Variants in AGAP1 observed in about 807,000 individuals in gnomAD.
AGAP1 encodes the protein arf-GAP with GTPase, ANK repeat and PH domain-containing protein 1.
AGAP1 carries 29 observed loss-of-function variants against 105.3 expected under a neutral mutation model. That is an observed-to-expected ratio of 0.28 (90% CI 0.21 to 0.38). The LOEUF is 0.38. AGAP1 is among the 10% of genes least tolerant of loss of function. The probability of loss-of-function intolerance (pLI) is 1.00; values close to 1 mark genes in which losing one functional copy is unlikely to be tolerated. For missense variants in AGAP1, 998 were observed against 1,165.1 expected (o/e 0.86, Z 2.09); for synonymous variants, 509 against 485.9 (o/e 1.05, Z -0.63).
Position 235,728,326 on chromosome 2 carries a change from T to TGTGTGTGTGTGTGTGTGTGTGCGCGC in AGAP1, c.310+10683_310+10684insTGTGTGTGTGTGTGTGTGTGCGCGCG, listed in dbSNP as rs986896995. Among the ~76,000 whole-genome samples, 330 of 151,714 alleles carry TGTGTGTGTGTGTGTGTGTGTGCGCGC rather than the reference T, an allele frequency of 2.2e-3. 2 individuals are homozygous for TGTGTGTGTGTGTGTGTGTGTGCGCGC. Among genetic ancestry groups the TGTGTGTGTGTGTGTGTGTGTGCGCGC allele is most frequent in the African/African-American group, 7.3e-3 (299 of 41,180 alleles). On this transcript the variant is annotated intron_variant, in intron 3 of 17. Transcript: ENST00000304032. The surrounding 1 kb of genome is among the most constrained non-coding windows in gnomAD (Gnocchi z 4.3). The stretch of plus-strand genomic sequence containing the variant: ...CTGTGTGTGTGTGTGTGTGTGTGTG[T>TGTGTGTGTGTGTGTGTGTGTGCGCGC]GCGTGCTCTTAAATCAATGTAAATT...
intron 9 of AGAP1, among the ~76,000 whole-genome samples, chr2:235,809,121 C>T (rs900265178): frequency 6.6e-5 from 10 of 151,892 alleles, no homozygotes; most frequent in African/African-American, 1.9e-4. Flanking sequence ...TGGGTGGGAG[C>T]GCTCACCAGC....
rs1412091338 is a variant in AGAP1, at chr2:235,961,527, C to G, written c.1484-6935C>G. Among the ~76,000 whole-genome samples, 1 of 152,170 alleles carries G rather than the reference C, an allele frequency of 6.6e-6. No individual in the cohort carries two copies. The highest frequency in any genetic ancestry group is 6.5e-5 in the Admixed American group (1 of 15,286). ...AGCCGTGGACAGCAGTGCAGAGGGACAGGCCCTAGGGAGTTGTGCTTTAAA... is the reference window on the plus strand; with the variant it reads ...AGCCGTGGACAGCAGTGCAGAGGGAGAGGCCCTAGGGAGTTGTGCTTTAAA... On this transcript the variant is annotated intron_variant, in intron 12 of 17. Transcript: ENST00000304032. The surrounding 1 kb of genome is among the most constrained non-coding windows in gnomAD (Gnocchi z 5.9).
Position 235,691,493 on chromosome 2 carries a change from CG to C in AGAP1, c.164-17684del, listed in dbSNP as rs1324366548. Among the ~76,000 whole-genome samples, 6 of 152,242 alleles carry C rather than the reference CG, an allele frequency of 3.9e-5. No individual in the cohort carries two copies. Among genetic ancestry groups the C allele is most frequent in the Non-Finnish European group, 7.3e-5 (5 of 68,046 alleles). On this transcript the variant is annotated intron_variant, in intron 1 of 17. Coordinates refer to ENST00000304032, the MANE Select transcript of AGAP1 (RefSeq NM_001037131.3). The surrounding 1 kb of genome is among the most constrained non-coding windows in gnomAD (Gnocchi z 4.4). ...CATTTGAGATGTGCCAACATTTAGT[CG>C]GATTCTGTGACTGGTCGTGAGTCCC...
At chr2:236,099,769 G>A (rs1268783775) in intron 16 of AGAP1, among the ~76,000 whole-genome samples, 1 of 152,214 alleles carries the variant, frequency 6.6e-6, no homozygotes, top group Non-Finnish European at 1.5e-5. Context: ...GCTGGGCGCA[G>A]TGGCTCACAC....
At chr2:235,568,473 A>G (rs527854256) in intron 1 of AGAP1, among the ~76,000 whole-genome samples, 16 of 152,228 alleles carry the variant, frequency 1.1e-4, no homozygotes, top group Non-Finnish European at 2.1e-4. Flanking sequence ...AGCCGCTAGC[A>G]CTTAGCATGT....
rs557680616 is a variant in AGAP1, at chr2:236,042,233, G to A, written c.1891+1392G>A. Among the ~76,000 whole-genome samples, 159 of 152,194 alleles carry A rather than the reference G, an allele frequency of 1.0e-3. No homozygotes were observed. In the Middle Eastern group the frequency reaches 0.014, roughly 13 times the overall value. ...TCGGCTTGGCCGGGAAGGGAGACAG[G>A]AGCCCAGGACTGCTCCAGACAAAAG... On this transcript the variant is annotated intron_variant, in intron 15 of 17. Coordinates refer to ENST00000304032, the MANE Select transcript of AGAP1 (RefSeq NM_001037131.3). This position sits in a 1 kb window ranked among gnomAD's most constrained non-coding sequence, Gnocchi z 5.6.
rs1230286393 is a variant in AGAP1 at position 235,967,301 on chromosome 2, A to G, written c.1484-1161A>G. On this transcript the variant is annotated intron_variant, in intron 12 of 17. Transcript: ENST00000304032. This position sits in a 1 kb window ranked among gnomAD's most constrained non-coding sequence, Gnocchi z 4.7. ...TCCCGTGCTCAGCGAGACCTACCCCAGCTACCCTATTTTAAATGACACCCC... is the reference window on the plus strand; with the variant it reads ...TCCCGTGCTCAGCGAGACCTACCCCGGCTACCCTATTTTAAATGACACCCC... Among the ~76,000 whole-genome samples, 1 of 151,864 alleles carries G rather than the reference A, an allele frequency of 6.6e-6. No individual in the cohort carries two copies. Among genetic ancestry groups the G allele is most frequent in the Non-Finnish European group, 1.5e-5 (1 of 67,998 alleles).
Position 235,574,075 on chromosome 2 carries a change from C to T in AGAP1, c.163+79226C>T, listed in dbSNP as rs1944658695. On this transcript the variant is annotated intron_variant, in intron 1 of 17. Coordinates refer to ENST00000304032, the MANE Select transcript of AGAP1 (RefSeq NM_001037131.3). This position sits in a 1 kb window ranked among gnomAD's most constrained non-coding sequence, Gnocchi z 5.0. ...GAGGCAGGGCCTGGGTGCCTTGGGG[C>T]CTGTCCTATCTGAGGTCCACAGCCT... Among the ~76,000 whole-genome samples the T allele has an allele frequency of 6.6e-6, 1 of 152,224 alleles. No individual in the cohort carries two copies. The highest frequency in any genetic ancestry group is 1.5e-5 in the Non-Finnish European group (1 of 68,036).
At chr2:235,946,743 C>T (rs533895502) in intron 12 of AGAP1, among the ~76,000 whole-genome samples, 41 of 152,102 alleles carry the variant, frequency 2.7e-4, no homozygotes, top group Non-Finnish European at 5.4e-4. Context: ...CCATTGAAAT[C>T]GCCAGGCGTC....
In AGAP1 at chr2:235,970,356, C is replaced by T. The variant is rs1459495233; in HGVS notation, c.1645+1733C>T. Among the ~76,000 whole-genome samples the T allele has an allele frequency of 6.6e-6, 1 of 152,170 alleles. No homozygotes were observed. The highest frequency in any genetic ancestry group is 1.5e-5 in the Non-Finnish European group (1 of 68,040). ...TTCCCACTGAAAACAGTATCAGCCG[C>T]AGGCGCTCTGTGTTGGTAAGACTCC... On this transcript the variant is annotated intron_variant, in intron 13 of 17. Coordinates refer to ENST00000304032, the MANE Select transcript of AGAP1 (RefSeq NM_001037131.3). This position sits in a 1 kb window ranked among gnomAD's most constrained non-coding sequence, Gnocchi z 5.4.
chr2:235,624,520 T>C (rs1228902392), intron 1 of AGAP1, among the ~76,000 whole-genome samples: 1 of 152,228 alleles, frequency 6.6e-6, no homozygotes. Flanking sequence ...TGCTCTAGAA[T>C]ATTCCATTTA....
chr2:236,079,369 T>TA (rs1559254727), intron 16 of AGAP1, among the ~76,000 whole-genome samples: 3 of 108,508 alleles, frequency 2.8e-5, no homozygotes, highest in East Asian at 5.8e-4. Context: ...AAAAGAAAAT[T>TA]TAAAAAAAAA....
chr2:235,570,581 C>G (rs1034135770), intron 1 of AGAP1, among the ~76,000 whole-genome samples: 7 of 152,196 alleles, frequency 4.6e-5, no homozygotes, highest in African/African-American at 1.4e-4. Context: ...CCTCATCGAG[C>G]ATTCCTTTGA....
chr2:235,967,995 A>C lies in AGAP1; in HGVS notation c.1484-467A>C, dbSNP rs2054479132. Among the ~76,000 whole-genome samples the C allele has an allele frequency of 6.6e-6, 1 of 152,244 alleles. No homozygotes were observed. Among genetic ancestry groups the C allele is most frequent in the African/African-American group, 2.4e-5 (1 of 41,468 alleles). On this transcript the variant is annotated intron_variant, in intron 12 of 17. Transcript: ENST00000304032. The surrounding 1 kb of genome is among the most constrained non-coding windows in gnomAD (Gnocchi z 4.7). Reference sequence around the variant, plus strand: ...GAAGTTATAGTCATCTGTAATATTGAGGCCGGAAGAAAGGATCAGGAATCC... The same window carrying C: ...GAAGTTATAGTCATCTGTAATATTGCGGCCGGAAGAAAGGATCAGGAATCC...
intron 1 of AGAP1, among the ~76,000 whole-genome samples, chr2:235,562,283 T>A (rs1239054056): frequency 2.0e-5 from 3 of 152,072 alleles, no homozygotes; most frequent in Non-Finnish European, 4.4e-5. Flanking sequence ...TGCAATCAAG[T>A]GATTATAGCA....
intron 5 of AGAP1, among the ~76,000 whole-genome samples, chr2:235,746,299 A>C (rs903937813): frequency 6.6e-6 from 1 of 151,162 alleles, no homozygotes; most frequent in African/African-American, 2.4e-5. Context: ...GGAAAAAAAA[A>C]ACAAAACTAT....
chr2:235,772,662 T>C (rs1955550549), intron 6 of AGAP1, among the ~76,000 whole-genome samples: 1 of 152,240 alleles, frequency 6.6e-6, no homozygotes, highest in South Asian at 2.1e-4. Flanking sequence ...CTGAAATGTG[T>C]CTGTAGCTTG....
In AGAP1 at chr2:235,960,046, C is replaced by T. The variant is rs539084864; in HGVS notation, c.1484-8416C>T. ...GGCAGGAGAACGCAGTGGGCAGAGA[C>T]GCACCCTGCCCTGCCTGCAGCATGG... On this transcript the variant is annotated intron_variant, in intron 12 of 17. Transcript: ENST00000304032. This position sits in a 1 kb window ranked among gnomAD's most constrained non-coding sequence, Gnocchi z 4.9. Among the ~76,000 whole-genome samples, 7 of 152,232 alleles carry T rather than the reference C, an allele frequency of 4.6e-5. No homozygotes were observed. The South Asian group carries it at 6.2e-4, about 14-fold the overall frequency.
rs1329133718 is a variant in AGAP1, at chr2:235,717,010, CCCT to C, written c.223-542_223-540del. 2.0e-5 allele frequency among the ~76,000 whole-genome samples: 3 copies of C among 152,214 alleles called. No individual in the cohort carries two copies. The East Asian group carries it at 5.8e-4, about 29-fold the overall frequency. On this transcript the variant is annotated intron_variant, in intron 2 of 17. Coordinates refer to ENST00000304032, the MANE Select transcript of AGAP1 (RefSeq NM_001037131.3). ...CCTGTGTCTGGGAGGCAGGTGTGTG[CCCT>C]CCTCGCCTGTGTGGCCGGCCCCTGC...
Sources: allele counts gnomAD v4.1 joint callset (sites outside exome capture counted in the v4.1 genomes callset), GRCh38; gene constraint gnomAD v4.1.1; non-coding constraint Gnocchi (gnomAD v3.1); transcripts MANE v1.5; gene names NCBI Gene and HGNC (gene_info 2026-07-23, HGNC 2026-07-21).